The following KHDRBS2 variants were observed in gnomAD, a reference collection of about 807,000 sequenced individuals.
KHDRBS2 encodes the protein KH domain-containing, RNA-binding, signal transduction-associated protein 2.
A neutral mutation model predicts 44.3 loss-of-function variants in KHDRBS2; 26 were observed. That is an observed-to-expected ratio of 0.59 (90% CI 0.43 to 0.81). The LOEUF is 0.81. Ranked by LOEUF, KHDRBS2 falls within the 40% of genes least tolerant of loss-of-function variation. The pLI, the probability that KHDRBS2 is intolerant of heterozygous loss-of-function variation, is 0.00. For missense variants in KHDRBS2, 476 were observed against 433.1 expected (o/e 1.10, Z -0.88); for synonymous variants, 194 against 151.1 (o/e 1.28, Z -2.08).
chr6:62,034,434 A>C (rs1784889628), intron 3 of KHDRBS2, among the ~76,000 whole-genome samples: 1 of 151,952 alleles, frequency 6.6e-6, no homozygotes, highest in Non-Finnish European at 1.5e-5. Flanking sequence ...AAATACTAGC[A>C]AACCAAATTC....
intron 7 of KHDRBS2, among the ~76,000 whole-genome samples, chr6:61,721,050 G>A (rs1238616031): frequency 2.0e-5 from 3 of 151,418 alleles, no homozygotes; most frequent in African/African-American, 7.3e-5. Context: ...TTTCCCCATT[G>A]CTTGTTTTTC....
intron 1 of KHDRBS2, among the ~76,000 whole-genome samples, chr6:62,281,637 A>C (rs1267199201): frequency 6.6e-6 from 1 of 152,120 alleles, no homozygotes; most frequent in East Asian, 1.9e-4. Context: ...AAATAAAATA[A>C]ATTTTTAAAA....
In KHDRBS2 at chr6:61,881,937, A is replaced by G. The variant is rs1208811000; in HGVS notation, c.810+12698T>C. ...TTGTAGCTATATTATTTAATCCAAA[A>G]ATATTGCAGTATAAATGGCCTCCAG... is the stretch of plus-strand genomic sequence containing the variant. On this transcript the variant is annotated intron_variant, in intron 6 of 8. Coordinates refer to ENST00000281156, the MANE Select transcript of KHDRBS2 (RefSeq NM_152688.4). 4.6e-5 allele frequency among the ~76,000 whole-genome samples: 7 copies of G among 152,040 alleles called. No homozygotes were observed. The East Asian group carries it at 1.4e-3, about 29-fold the overall frequency.
intron 2 of KHDRBS2, among the ~76,000 whole-genome samples, chr6:62,097,344 T>C (rs1800836509): frequency 6.6e-6 from 1 of 152,044 alleles, no homozygotes; most frequent in Non-Finnish European, 1.5e-5. Context: ...TCCCCTACTA[T>C]TATTGCATTT....
intron 6 of KHDRBS2, among the ~76,000 whole-genome samples, chr6:61,855,153 A>T (rs537156645): frequency 6.6e-6 from 1 of 152,242 alleles, no homozygotes; most frequent in Non-Finnish European, 1.5e-5. Flanking sequence ...TATTGACACC[A>T]TAGGTAGGCA....
At chr6:62,106,492 G>C (rs1304499241) in intron 2 of KHDRBS2, among the ~76,000 whole-genome samples, 4 of 152,124 alleles carry the variant, frequency 2.6e-5, no homozygotes, top group Non-Finnish European at 4.4e-5. Flanking sequence ...ATTTAGGATA[G>C]TTAGCTATTC....
At chr6:61,562,402 G>C in the KHDRBS2 span, among the ~76,000 whole-genome samples, 19 of 152,130 alleles carry the variant, frequency 1.2e-4, no homozygotes, top group African/African-American at 4.6e-4. Flanking sequence ...CTGGTTTCAT[G>C]TATATGCTTC....
chr6:62,080,204 C>T (rs1458816889), intron 2 of KHDRBS2, among the ~76,000 whole-genome samples: 1 of 151,964 alleles, frequency 6.6e-6, no homozygotes, highest in Non-Finnish European at 1.5e-5. Flanking sequence ...AAAAACATAA[C>T]AATATTTATT....
At chr6:61,714,911 T>C (rs983007061) in intron 7 of KHDRBS2, among the ~76,000 whole-genome samples, 1 of 151,718 alleles carries the variant, frequency 6.6e-6, no homozygotes, top group Non-Finnish European at 1.5e-5. Flanking sequence ...GGGAACCAGA[T>C]GGTAAGTGGG....
intron 1 of KHDRBS2, among the ~76,000 whole-genome samples, chr6:62,198,123 C>A (rs1273349589): frequency 3.3e-5 from 5 of 151,966 alleles, no homozygotes; most frequent in South Asian, 2.1e-4. Flanking sequence ...TAAATGCCCA[C>A]AAGAGAAAGC....
At chr6:62,178,333 G>C (rs1821559848) in intron 1 of KHDRBS2, among the ~76,000 whole-genome samples, 1 of 151,526 alleles carries the variant, frequency 6.6e-6, no homozygotes, top group South Asian at 2.1e-4. Flanking sequence ...TGTGGCTGAA[G>C]AATAGTGAAT....
chr6:61,628,597 C>G, the KHDRBS2 span, among the ~76,000 whole-genome samples: 2 of 152,186 alleles, frequency 1.3e-5, no homozygotes, highest in Non-Finnish European at 2.9e-5. Context: ...CCCCTCTCCA[C>G]TGACCAAACA....
chr6:61,845,349 G>A (rs577616830), intron 6 of KHDRBS2, among the ~76,000 whole-genome samples: 25 of 137,182 alleles, frequency 1.8e-4, no homozygotes, highest in Admixed American at 9.6e-4. Context: ...TTGCTCTGTC[G>A]CTCAGGCTGG....
intron 2 of KHDRBS2, among the ~76,000 whole-genome samples, chr6:62,134,005 C>G (rs1295012785): frequency 1.3e-5 from 2 of 152,144 alleles, no homozygotes; most frequent in African/African-American, 4.8e-5. Flanking sequence ...CCTGATGATG[C>G]AACAGAAAAG....
chr6:61,595,573 T>G, the KHDRBS2 span, among the ~76,000 whole-genome samples: 5 of 152,068 alleles, frequency 3.3e-5, no homozygotes, highest in African/African-American at 9.6e-5. Flanking sequence ...TTATTTCTCT[T>G]ATTTTAATAC....
intron 2 of KHDRBS2, among the ~76,000 whole-genome samples, chr6:62,143,500 G>A (rs1813290612): frequency 6.6e-6 from 1 of 151,844 alleles, no homozygotes; most frequent in Non-Finnish European, 1.5e-5. Flanking sequence ...TAATATTAGG[G>A]ACTTCATAGT....
chr6:61,566,413 C>T, the KHDRBS2 span, among the ~76,000 whole-genome samples: 3 of 152,098 alleles, frequency 2.0e-5, no homozygotes, highest in Non-Finnish European at 2.9e-5. Flanking sequence ...CCAACACAAA[C>T]AAATGATTAA....
intron 1 of KHDRBS2, among the ~76,000 whole-genome samples, chr6:62,243,906 C>T (rs1201985257): frequency 6.6e-6 from 1 of 152,020 alleles, no homozygotes; most frequent in Non-Finnish European, 1.5e-5. Context: ...AGGAAGTATC[C>T]TATACACAGT....
At chr6:61,708,305 T>G (rs1269860039) in intron 7 of KHDRBS2, among the ~76,000 whole-genome samples, 1 of 151,576 alleles carries the variant, frequency 6.6e-6, no homozygotes, top group East Asian at 1.9e-4. Context: ...AGCAGAAATA[T>G]CTCAACAATT....
Sources: allele counts gnomAD v4.1 joint callset (sites outside exome capture counted in the v4.1 genomes callset), GRCh38; gene constraint gnomAD v4.1.1; transcripts MANE v1.5; gene names NCBI Gene and HGNC (gene_info 2026-07-23, HGNC 2026-07-21).